The following TAFA1 variants were observed in gnomAD, a reference collection of about 807,000 sequenced individuals.
TAFA1 encodes the protein TAFA chemokine like family member 1.
A neutral mutation model predicts 18.5 loss-of-function variants in TAFA1; 4 were observed. That is an observed-to-expected ratio of 0.22 (90% confidence interval 0.11 to 0.49). The LOEUF (loss-of-function observed/expected upper bound fraction) is 0.49, where lower values mean the gene tolerates loss of function less well. Among genes scored for constraint, TAFA1 ranks in the 20% least tolerant of loss-of-function variants. The pLI, the probability that TAFA1 is intolerant of heterozygous loss-of-function variation, is 0.98. For missense variants in TAFA1, 147 were observed against 169.0 expected, an observed-to-expected ratio of 0.87 and a Z score of 0.72; for synonymous variants, 56 against 55.2, an observed-to-expected ratio of 1.01 and a Z score of -0.06.
intron 2 of TAFA1, among the ~76,000 whole-genome samples, chr3:68,013,438 A>C (rs148976793): frequency 2.2e-3 from 338 of 152,300 alleles, no homozygotes; most frequent in Non-Finnish European, 4.0e-3. Context: ...TTCAAAGACT[A>C]TACTTACAAA....
At chr3:68,258,176 C>T (rs151159333) in intron 2 of TAFA1, among the ~76,000 whole-genome samples, 63 of 152,270 alleles carry the variant, frequency 4.1e-4, no homozygotes, top group Middle Eastern at 3.4e-3. Flanking sequence ...GACAAATGTG[C>T]TGTGGTTATA....
chr3:68,306,407 A>G (rs1399271886), intron 2 of TAFA1, among the ~76,000 whole-genome samples: 2 of 152,164 alleles, frequency 1.3e-5, no homozygotes, highest in South Asian at 2.1e-4. Flanking sequence ...TTAACTTTGA[A>G]ACATCTAAGG....
At chr3:68,344,096 G>A (rs1350482669) in intron 2 of TAFA1, among the ~76,000 whole-genome samples, 1 of 152,124 alleles carries the variant, frequency 6.6e-6, no homozygotes, top group African/African-American at 2.4e-5. Context: ...GCCTGCCTGG[G>A]CCTCCCAAAG....
At chr3:68,420,831 A>G (rs17047673) in intron 3 of TAFA1, among the ~76,000 whole-genome samples, 22,564 of 152,100 alleles carry the variant, frequency 0.15, 2,214 homozygotes, top group East Asian at 0.33. Context: ...CTTACTCTAC[A>G]CTACAGTCAA....
At chr3:68,149,389 G>C (rs1298907289) in intron 2 of TAFA1, among the ~76,000 whole-genome samples, 3 of 152,150 alleles carry the variant, frequency 2.0e-5, no homozygotes, top group Admixed American at 6.5e-5. Context: ...CCTGAGACTG[G>C]GTAATTTATA....
the TAFA1 span, among the ~76,000 whole-genome samples, chr3:67,992,713 A>G: frequency 6.6e-6 from 1 of 152,214 alleles, no homozygotes; most frequent in African/African-American, 2.4e-5. Context: ...CATAGTCTGT[A>G]ACCTTCATTT....
intron 3 of TAFA1, among the ~76,000 whole-genome samples, chr3:68,463,766 G>T (rs1215754848): frequency 6.6e-6 from 1 of 152,120 alleles, no homozygotes; most frequent in African/African-American, 2.4e-5. Context: ...TATAAATTTG[G>T]AAGGAGGATG....
intron 2 of TAFA1, among the ~76,000 whole-genome samples, chr3:68,197,742 G>C (rs2066428552): frequency 6.6e-6 from 1 of 151,592 alleles, no homozygotes; most frequent in Non-Finnish European, 1.5e-5. Context: ...GTACCTTCAG[G>C]CTCAGGCTCT....
rs554425760 is a variant in TAFA1, at chr3:68,187,120, G to A, written c.118+180376G>A. On this transcript the variant is annotated intron_variant, in intron 2 of 4. Coordinates refer to ENST00000478136, the MANE Select transcript of TAFA1 (RefSeq NM_213609.4). ...AATTCTGAGTAAATTCATTTTACCT[G>A]TTATTATTTGGTGTGGATTAAAAAA... 2.6e-5 allele frequency among the ~76,000 whole-genome samples: 4 copies of A among 152,040 alleles called. No individual in the cohort carries two copies. The South Asian group carries it at 6.2e-4, about 24-fold the overall frequency.
chr3:68,371,398 C>T (rs890851588), intron 2 of TAFA1, among the ~76,000 whole-genome samples: 4 of 151,990 alleles, frequency 2.6e-5, no homozygotes, highest in Non-Finnish European at 5.9e-5. Context: ...CCCAACGGGC[C>T]CCAGTGTGTG....
intron 3 of TAFA1, among the ~76,000 whole-genome samples, chr3:68,535,138 G>T (rs1315908525): frequency 6.6e-6 from 1 of 152,106 alleles, no homozygotes; most frequent in African/African-American, 2.4e-5. Context: ...CTGATTAAGT[G>T]CTTGCCCAAA....
At chr3:68,308,399 C>A (rs1174807076) in intron 2 of TAFA1, among the ~76,000 whole-genome samples, 1 of 152,084 alleles carries the variant, frequency 6.6e-6, no homozygotes, top group Non-Finnish European at 1.5e-5. Flanking sequence ...CCCTATACTA[C>A]CTGTTACCTG....
chr3:68,423,203 T>C (rs1256873159), intron 3 of TAFA1, among the ~76,000 whole-genome samples: 2 of 152,072 alleles, frequency 1.3e-5, no homozygotes, highest in African/African-American at 4.8e-5. Context: ...AAAATAATGT[T>C]TACCATTTTT....
chr3:68,046,250 T>A (rs1297872900), intron 2 of TAFA1, among the ~76,000 whole-genome samples: 5 of 152,180 alleles, frequency 3.3e-5, no homozygotes, highest in Non-Finnish European at 7.4e-5. Context: ...TCTAGATGAT[T>A]TTTTTTGTAT....
At chr3:68,074,214 G>A (rs1296566489) in intron 2 of TAFA1, among the ~76,000 whole-genome samples, 1 of 152,128 alleles carries the variant, frequency 6.6e-6, no homozygotes, top group Non-Finnish European at 1.5e-5. Context: ...CTGACAGGAG[G>A]TGGAGCTCAG....
intron 2 of TAFA1, among the ~76,000 whole-genome samples, chr3:68,228,713 G>T (rs1434912721): frequency 6.6e-6 from 1 of 152,112 alleles, no homozygotes; most frequent in African/African-American, 2.4e-5. Context: ...CAAGTTTAAT[G>T]GACTTAAAAG....
intron 2 of TAFA1, among the ~76,000 whole-genome samples, chr3:68,272,118 A>G (rs1274447673): frequency 6.6e-6 from 1 of 152,166 alleles, no homozygotes; most frequent in African/African-American, 2.4e-5. Flanking sequence ...CCAAAGATAG[A>G]AATCACTTTA....
intron 2 of TAFA1, among the ~76,000 whole-genome samples, chr3:68,030,352 T>C (rs1463844955): frequency 2.0e-5 from 3 of 152,004 alleles, no homozygotes; most frequent in African/African-American, 7.3e-5. Flanking sequence ...GCTGTGGTGG[T>C]TTCCTGCACC....
chr3:67,996,975 G>A, the TAFA1 span, among the ~76,000 whole-genome samples: 1 of 152,126 alleles, frequency 6.6e-6, no homozygotes, highest in East Asian at 1.9e-4. Flanking sequence ...CTATGGGAGT[G>A]TAGAGGAGGG....
Sources: gnomAD v4.1 joint callset for allele counts (sites outside exome capture counted in the v4.1 genomes callset) on GRCh38, gnomAD v4.1.1 for gene constraint, MANE v1.5 for transcripts, NCBI Gene and HGNC (gene_info 2026-07-23, HGNC 2026-07-21) for gene names.